The following PSD3 variants were observed in gnomAD, a reference collection of about 807,000 sequenced individuals.
PSD3 encodes pleckstrin and Sec7 domain containing 3.
Under a neutral mutation model 105.5 loss-of-function variants are expected in PSD3, and 49 were observed. The ratio of observed to expected loss-of-function variants is 0.46; its 90% CI spans 0.37 to 0.59. The LOEUF is 0.59. PSD3 is among the 20% of genes least tolerant of loss of function. The probability of loss-of-function intolerance (pLI) is 0.00; values close to 1 mark genes in which losing one functional copy is unlikely to be tolerated. For synonymous variants in PSD3, 557 were observed against 457.8 expected (o/e 1.22, Z -2.77); for missense variants, 1,561 against 1,263.8 (o/e 1.24, Z -3.57).
intron 9 of PSD3, among the ~76,000 whole-genome samples, chr8:18,717,887 T>C (rs1275290551): frequency 6.6e-6 from 1 of 151,436 alleles, no homozygotes; most frequent in African/African-American, 2.4e-5. Flanking sequence ...CGGTGAGACT[T>C]GGTAAATAGA....
At chr8:18,720,063 T>C (rs1011378935) in intron 9 of PSD3, among the ~76,000 whole-genome samples, 2 of 152,170 alleles carry the variant, frequency 1.3e-5, no homozygotes, top group Non-Finnish European at 2.9e-5. Flanking sequence ...CAGTTATGAC[T>C]GCCCCATTCT....
intron 15 of PSD3, among the ~76,000 whole-genome samples, chr8:18,544,073 G>T (rs1800302923): frequency 6.7e-6 from 1 of 149,740 alleles, no homozygotes; most frequent in Non-Finnish European, 1.5e-5. Flanking sequence ...AGGGCAAAAG[G>T]CCATCTTAAG....
intron 11 of PSD3, among the ~76,000 whole-genome samples, chr8:18,619,576 G>C (rs11785104): frequency 0.036 from 5,483 of 151,826 alleles, 141 homozygotes; most frequent in East Asian, 0.13. Flanking sequence ...CCGGGAGGCA[G>C]AGGTTGTAGT....
chr8:18,644,719 GGA>G (rs1422015825), intron 10 of PSD3, among the ~76,000 whole-genome samples: 1 of 151,934 alleles, frequency 6.6e-6, no homozygotes, highest in African/African-American at 2.4e-5. Context: ...CAGCTTCTGT[GGA>G]TTACCCAATT....
intron 2 of PSD3, among the ~76,000 whole-genome samples, chr8:18,928,646 A>G (rs545667594): frequency 6.6e-6 from 1 of 152,272 alleles, no homozygotes; most frequent in South Asian, 2.1e-4. Context: ...CTAGAATGAC[A>G]GTCAGTGGGT....
intron 9 of PSD3, chr8:18,733,245 T>C (rs1371125990): frequency 1.3e-5 from 2 of 152,178 alleles, no homozygotes; most frequent in African/African-American, 4.8e-5. Context: ...AAGGAAAATC[T>C]CTTTTTTTAA....
chr8:18,563,174 T>C (rs140683589), intron 14 of PSD3, among the ~76,000 whole-genome samples: 175 of 152,306 alleles, frequency 1.1e-3, no homozygotes, highest in African/African-American at 4.0e-3. Context: ...AGAGATAGTA[T>C]GTGGCAGCTT....
intron 14 of PSD3, 67 bp downstream of exon 14, chr8:18,572,461 C>A: frequency 3.9e-6 from 6 of 1,558,356 alleles, no homozygotes; most frequent in African/African-American, 1.4e-5. Flanking sequence ...TATCCAAAGA[C>A]AAATATTTAT....
chr8:18,868,000 G>C lies in PSD3; in HGVS notation c.1308C>G (p.Asp436Glu). The C allele has an allele frequency of 3.1e-6, 5 of 1,614,122 alleles. No individual in the cohort carries two copies. The highest frequency in any genetic ancestry group is 3.4e-6 in the Non-Finnish European group (4 of 1,179,988). The change falls in exon 4 of 16, where the codon GAC (aspartate) becomes GAG (glutamate). Residue 436 changes from aspartate (D) to glutamate (E), a missense_variant. Coordinates refer to ENST00000327040, the MANE Select transcript of PSD3 (RefSeq NM_015310.4). ...EDILGPGYTE[D>E]STDVYSSQFE... Reference sequence around the variant, plus strand: ...ACTGGGAGCTGTACACGTCGGTGGAGTCCTCCGTATATCCAGGCCCAAGGA... The same window carrying C: ...ACTGGGAGCTGTACACGTCGGTGGACTCCTCCGTATATCCAGGCCCAAGGA...
At chr8:19,082,860 G>A (rs112274520) in intron 1 of PSD3, among the ~76,000 whole-genome samples, 7 of 152,196 alleles carry the variant, frequency 4.6e-5, no homozygotes, top group African/African-American at 1.7e-4. Flanking sequence ...GATGGAATGT[G>A]AACTATTTCT....
At chr8:18,636,028 T>C (rs1807225331) in intron 10 of PSD3, among the ~76,000 whole-genome samples, 1 of 152,126 alleles carries the variant, frequency 6.6e-6, no homozygotes, top group South Asian at 2.1e-4. Context: ...CTGCAGGTTC[T>C]GCACATGTAT....
chr8:18,630,950 G>A (rs564185924), intron 11 of PSD3, among the ~76,000 whole-genome samples: 8 of 152,116 alleles, frequency 5.3e-5, no homozygotes, highest in African/African-American at 1.9e-4. Context: ...TTTTATATCA[G>A]GGACTTGAGT....
rs373536749 is a variant in PSD3, at chr8:18,804,875, C to A, written c.1658G>T (p.Arg553Leu). 5 of 1,611,808 alleles carry A rather than the reference C, an allele frequency of 3.1e-6. No homozygotes were observed. In the Admixed American group the frequency reaches 6.7e-5, roughly 22 times the overall value. Reference protein sequence around the residue: ...WGSNAGVKTTRLEAHSEMGST... With the variant: ...WGSNAGVKTTLLEAHSEMGST... Reference sequence around the variant, plus strand: ...CCCCATTTCAGAATGAGCTTCTAGCCGTGTTGTTTTCACCCCAGCATTGCT... The same window carrying A: ...CCCCATTTCAGAATGAGCTTCTAGCAGTGTTGTTTTCACCCCAGCATTGCT... Residue 553 changes from arginine to leucine, a missense_variant, in exon 5 of 16, where the codon CGG becomes CTG. Coordinates refer to ENST00000327040, the MANE Select transcript of PSD3 (RefSeq NM_015310.4).
At chr8:18,980,704 T>G (rs1825207174) in intron 1 of PSD3, among the ~76,000 whole-genome samples, 1 of 152,194 alleles carries the variant, frequency 6.6e-6, no homozygotes, top group African/African-American at 2.4e-5. Context: ...ATGCTGCTTT[T>G]GGGCTTTCAT....
intron 1 of PSD3, among the ~76,000 whole-genome samples, chr8:18,949,275 A>G (rs1220102424): frequency 8.6e-6 from 1 of 116,430 alleles, no homozygotes; most frequent in African/African-American, 3.0e-5. Flanking sequence ...ATATATATAT[A>G]TATTTATAGT....
chr8:18,644,414 C>T (rs188204866), intron 10 of PSD3, among the ~76,000 whole-genome samples: 22 of 152,320 alleles, frequency 1.4e-4, no homozygotes, highest in African/African-American at 4.6e-4. Context: ...TCTGCCTTCC[C>T]TAAAGCCCTT....
intron 1 of PSD3, among the ~76,000 whole-genome samples, chr8:18,971,433 G>A (rs1430692023): frequency 6.6e-6 from 1 of 152,140 alleles, no homozygotes; most frequent in Non-Finnish European, 1.5e-5. Context: ...CCATCAACTG[G>A]CCTAGCTGGC....
intron 9 of PSD3, among the ~76,000 whole-genome samples, chr8:18,764,078 A>G (rs1032685929): frequency 6.6e-6 from 1 of 152,174 alleles, no homozygotes; most frequent in African/African-American, 2.4e-5. Context: ...AACATGCTCT[A>G]AATTAGCCAA....
intron 1 of PSD3, among the ~76,000 whole-genome samples, chr8:18,972,271 G>T (rs1003230339): frequency 6.6e-6 from 1 of 152,114 alleles, no homozygotes; most frequent in Non-Finnish European, 1.5e-5. Flanking sequence ...AAAAGCAAAT[G>T]GAATTGATTT....
Sources: gnomAD v4.1 joint callset for allele counts (sites outside exome capture counted in the v4.1 genomes callset) on GRCh38, gnomAD v4.1.1 for gene constraint, MANE v1.5 for transcripts, NCBI Gene and HGNC (gene_info 2026-07-23, HGNC 2026-07-21) for gene names.